The following TTLL4 variants were observed in gnomAD, a reference collection of about 807,000 sequenced individuals.
TTLL4 encodes tubulin tyrosine ligase like 4.
TTLL4 carries 85 observed loss-of-function variants against 122.7 expected under a neutral mutation model. The ratio of observed to expected loss-of-function variants is 0.69; its 90% CI spans 0.58 to 0.83. The LOEUF is 0.83. Among genes scored for constraint, TTLL4 ranks in the 40% least tolerant of loss-of-function variants. The pLI, the probability that TTLL4 is intolerant of heterozygous loss-of-function variation, is 0.00. For synonymous variants in TTLL4, 553 were observed against 563.0 expected (o/e 0.98, Z 0.25); for missense variants, 1,363 against 1,488.6 (o/e 0.92, Z 1.39).
In TTLL4 at chr2:218,738,754, CA is replaced by C; in HGVS notation, c.1079del (p.Gln360ArgfsTer5). The C allele has an allele frequency of 6.2e-7, 1 of 1,614,130 alleles. No homozygotes were observed. Among genetic ancestry groups the C allele is most frequent in the Non-Finnish European group, 8.5e-7 (1 of 1,179,948 alleles). ...GCCGAGGCAAGGCTGCCAGCTTGAA[CA>C]GTCTAGTTTCCTGAACCCCAGCTTC... ...KMPRQGCQLE[Q>X]SSFLNPSFQW... On this transcript the variant is annotated frameshift_variant, in exon 3 of 20. Transcript: ENST00000392102. LOFTEE classifies it high-confidence loss of function.
chr2:218,737,006 T>G (rs1312001912), intron 2 of TTLL4, among the ~76,000 whole-genome samples: 3 of 152,176 alleles, frequency 2.0e-5, no homozygotes, highest in East Asian at 1.9e-4. Flanking sequence ...CACGCCACAA[T>G]GCCTAGCTAA....
chr2:218,750,559 A>G lies in TTLL4; in HGVS notation c.2873+413A>G, dbSNP rs548308352. On this transcript the variant is annotated intron_variant, in intron 15 of 19. Transcript: ENST00000392102. ...TTGTTTCTAAAAAAAAAAAATTCTT[A>G]CCTGGGCAGTCAGGGTCCCAGCTTC... Among the ~76,000 whole-genome samples, 7 of 151,866 alleles carry G rather than the reference A, an allele frequency of 4.6e-5. No individual in the cohort carries two copies. The South Asian group carries it at 1.5e-3, about 32-fold the overall frequency.
chr2:218,731,851 A>T (rs1026749440), intron 2 of TTLL4, among the ~76,000 whole-genome samples: 1 of 152,192 alleles, frequency 6.6e-6, no homozygotes, highest in African/African-American at 2.4e-5. Context: ...AGGAGGACCT[A>T]GATTGAGGAA....
At position 218,740,553 on chromosome 2, in the gene TTLL4, T is replaced by A; in HGVS notation, c.1630T>A (p.Ser544Thr). The change falls in exon 5 of 20, where the codon TCC becomes ACC. Residue 544 changes from serine (S) to threonine (T), a missense_variant. Around this residue, in one of 3 missense-constraint regions of TTLL4, gnomAD observed 760 missense variants for 808.4 expected, o/e 0.94. Coordinates refer to ENST00000392102, the MANE Select transcript of TTLL4 (RefSeq NM_014640.5). Reference sequence around the variant, plus strand: ...AGAGTGCTCCTCATTAAGTGCTGTCTCCCCCAGCGAATCGGTGGCCATGAT... The same window carrying A: ...AGAGTGCTCCTCATTAAGTGCTGTCACCCCCAGCGAATCGGTGGCCATGAT... ...DSECSSLSAV[S>T]PSESVAMISR... 6.2e-7 allele frequency: 1 copy of A among 1,614,098 alleles called. No individual in the cohort carries two copies. The highest frequency in any genetic ancestry group is 1.1e-5 in the South Asian group (1 of 91,072).
intron 5 of TTLL4, among the ~76,000 whole-genome samples, chr2:218,741,310 C>T (rs777643645): frequency 6.6e-6 from 1 of 152,200 alleles, no homozygotes; most frequent in African/African-American, 2.4e-5. Flanking sequence ...TAGGGCTGAG[C>T]CACTGCACCT....
At chr2:218,717,197 A>AAGT (rs1222929360) in intron 1 of TTLL4, among the ~76,000 whole-genome samples, 1 of 151,958 alleles carries the variant, frequency 6.6e-6, no homozygotes, top group Non-Finnish European at 1.5e-5. Flanking sequence ...TCTGGAGCCC[A>AAGT]AGTAATTTGC....
At chr2:218,739,930 T>G (rs566708220) in intron 3 of TTLL4, 128 bp from the exon 4 acceptor site, 2 of 802,666 alleles carry the variant, frequency 2.5e-6, no homozygotes, top group African/African-American at 1.7e-5. Flanking sequence ...AGTTGTGAGG[T>G]CCAGGCAAGA....
chr2:218,741,748 T>C (rs1942707277), intron 5 of TTLL4, among the ~76,000 whole-genome samples: 1 of 152,196 alleles, frequency 6.6e-6, no homozygotes, highest in African/African-American at 2.4e-5. Flanking sequence ...GAGAAAGATA[T>C]TTGACATGTA....
At position 218,737,844 on chromosome 2, in the gene TTLL4, A is replaced by G. The variant is rs769117546; in HGVS notation, c.168A>G (p.Glu56=). 8.1e-6 allele frequency: 13 copies of G among 1,614,242 alleles called. No homozygotes were observed. The highest frequency in any genetic ancestry group is 9.3e-6 in the Non-Finnish European group (11 of 1,180,046). The change falls in exon 3 of 20, where the codon GAA becomes GAG. Residue 56 remains glutamate (E), a synonymous_variant. Transcript: ENST00000392102. Reference sequence around the variant, plus strand: ...AAGTGAAGCCAATCTGGAAGCTGGAAAAGAAGCAAGTGGAGACACTGTCAG... The same window carrying G: ...AAGTGAAGCCAATCTGGAAGCTGGAGAAGAAGCAAGTGGAGACACTGTCAG... ...HQQVKPIWKL[E]KKQVETLSAG...
chr2:218,745,527 C>T (rs2106448490), intron 6 of TTLL4, 164 bp from the exon 7 acceptor site: 1 of 650,552 alleles, frequency 1.5e-6, no homozygotes, highest in East Asian at 2.7e-5. Context: ...CACAGCCCCT[C>T]TTCTTTCCCA....
At chr2:218,726,434 G>A (rs1226913381) in intron 1 of TTLL4, among the ~76,000 whole-genome samples, 1 of 152,136 alleles carries the variant, frequency 6.6e-6, no homozygotes, top group Non-Finnish European at 1.5e-5. Flanking sequence ...TTGGATATAT[G>A]TATCTCTCTC....
Position 218,753,995 on chromosome 2 carries a change from G to A in TTLL4, c.3345-139G>A, listed in dbSNP as rs1375011644. ...TTCAAGTAAATAGAATTTTTTTTAT[G>A]GTTATTACATTTCCATGTAATTTTG... On this transcript the variant is annotated intron_variant, in intron 19 of 19. Transcript: ENST00000392102. 5.3e-5 allele frequency: 67 copies of A among 1,271,586 alleles called. No individual in the cohort carries two copies. In the Middle Eastern group the frequency reaches 6.1e-4, roughly 12 times the overall value. The allele number at this position is 1,271,586 out of a possible 1,614,324, so 78.8% of individuals were successfully genotyped here.
chr2:218,738,830 A>G lies in TTLL4; in HGVS notation c.1154A>G (p.Asn385Ser). ...AGGCGGTGGAAACCTCCTGCGGTAA[A>G]TCAGCAGTTTCCTCAGGAGGATGCT... Reference protein sequence around the residue: ...RSRRWKPPAVNQQFPQEDAGS... With the variant: ...RSRRWKPPAVSQQFPQEDAGS... The change falls in exon 3 of 20, where the codon AAT becomes AGT. Residue 385 changes from asparagine to serine, a missense_variant. By Grantham distance (46) the Asn-to-Ser change is conservative. Coordinates refer to ENST00000392102, the MANE Select transcript of TTLL4 (RefSeq NM_014640.5). 6.2e-7 allele frequency: 1 copy of G among 1,614,208 alleles called. No homozygotes were observed. The highest frequency in any genetic ancestry group is 1.1e-5 in the South Asian group (1 of 91,084).
At chr2:218,716,350 G>T (rs1409527810) in intron 1 of TTLL4, among the ~76,000 whole-genome samples, 1 of 152,144 alleles carries the variant, frequency 6.6e-6, no homozygotes, top group Admixed American at 6.6e-5. Flanking sequence ...GAAAAATCCT[G>T]CAATTCAGAC....
intron 13 of TTLL4, 72 bp downstream of exon 13, chr2:218,749,006 T>C: frequency 6.6e-7 from 1 of 1,514,572 alleles, no homozygotes; most frequent in South Asian, 1.2e-5. Flanking sequence ...CTCACACTGC[T>C]GTGCTCTGGA....
rs1943106981 is a variant in TTLL4 at position 218,754,330 on chromosome 2, C to G, written c.3541C>G (p.Leu1181Val). ...CAAGTGCTCTGGGCAGACTTCAAGACTTTCTGCTTCCTCCACTTTCCAGTC... is the reference window on the plus strand; with the variant it reads ...CAAGTGCTCTGGGCAGACTTCAAGAGTTTCTGCTTCCTCCACTTTCCAGTC... ...VIKCSGQTSR[L>V]SASSTFQSIS... Residue 1181 changes from leucine to valine, a missense_variant, in exon 20 of 20, where the codon CTT becomes GTT. By Grantham distance (32) the Leu-to-Val change is conservative (BLOSUM62 1). Coordinates refer to ENST00000392102, the MANE Select transcript of TTLL4 (RefSeq NM_014640.5). 5 of 1,614,218 alleles carry G rather than the reference C, an allele frequency of 3.1e-6. No individual in the cohort carries two copies. Among genetic ancestry groups the G allele is most frequent in the Non-Finnish European group, 4.2e-6 (5 of 1,180,042 alleles).
downstream of TTLL4, among the ~76,000 whole-genome samples, chr2:218,757,829 C>T (rs79035516): frequency 0.036 from 5,411 of 152,262 alleles, 310 homozygotes; most frequent in African/African-American, 0.12. Context: ...AGGTGACCAA[C>T]AAAGGCAGAC....
chr2:218,717,894 G>C (rs185612523), intron 1 of TTLL4, among the ~76,000 whole-genome samples: 62 of 152,146 alleles, frequency 4.1e-4, no homozygotes, highest in African/African-American at 1.4e-3. Context: ...CGCCTCCCGG[G>C]TTCAGGCCAT....
intron 1 of TTLL4, among the ~76,000 whole-genome samples, chr2:218,718,960 GA>G (rs1419588797): frequency 6.6e-6 from 1 of 152,088 alleles, no homozygotes; most frequent in Non-Finnish European, 1.5e-5. Flanking sequence ...AATAGAAGGG[GA>G]TGTTTCAGGC....
Sources: allele counts gnomAD v4.1 joint callset (sites outside exome capture counted in the v4.1 genomes callset), GRCh38; gene constraint gnomAD v4.1.1; regional missense constraint gnomAD v4.1.1; transcripts MANE v1.5; gene names NCBI Gene and HGNC (gene_info 2026-07-23, HGNC 2026-07-21).